The following DNM2 variants were observed in gnomAD, a reference collection of about 807,000 sequenced individuals.
DNM2 encodes dynamin-2.
A neutral mutation model predicts 99.0 loss-of-function variants in DNM2; 15 were observed. That is an observed-to-expected ratio of 0.15 (90% CI 0.10 to 0.23). DNM2 has a LOEUF of 0.23. Ranked by LOEUF, DNM2 falls within the 10% of genes least tolerant of loss-of-function variation. DNM2 has a pLI of 1.00. For missense variants in DNM2, 742 were observed against 1,189.4 expected, an observed-to-expected ratio of 0.62 and a Z score of 5.53; for synonymous variants, 525 against 481.2, an observed-to-expected ratio of 1.09 and a Z score of -1.19.
At position 10,795,119 on chromosome 19, in the gene DNM2, C is replaced by T. The variant is rs2071887648; in HGVS notation, c.1129-253C>T. ...TATTTTTAGTAGAGATGGGGTCTCA[C>T]TATGTTGCCCAGGCTGGTCTCAAAC... On this transcript the variant is annotated intron_variant, in intron 8 of 20. Transcript: ENST00000389253. This position sits in a 1 kb window ranked among gnomAD's most constrained non-coding sequence, Gnocchi z 4.2. Among the ~76,000 whole-genome samples the T allele has an allele frequency of 6.6e-6, 1 of 152,146 alleles. No individual in the cohort carries two copies. Among genetic ancestry groups the T allele is most frequent in the Admixed American group, 6.5e-5 (1 of 15,278 alleles).
At position 10,786,667 on chromosome 19, in the gene DNM2, G is replaced by A. The variant is rs879254323; in HGVS notation, c.953G>A (p.Arg318Gln). The A allele has an allele frequency of 1.2e-6, 2 of 1,614,044 alleles. No individual in the cohort carries two copies. Among genetic ancestry groups the A allele is most frequent in the East Asian group, 2.2e-5 (1 of 44,878 alleles). Reference sequence around the variant, plus strand: ...GAGGTGGAGGAGTACAAGAACTTTCGGCCCGACGACCCCACCCGCAAAACC... The same window carrying A: ...GAGGTGGAGGAGTACAAGAACTTTCAGCCCGACGACCCCACCCGCAAAACC... ...EKEVEEYKNF[R>Q]PDDPTRKTKA... The change falls in exon 7 of 21, where the codon CGG becomes CAG. Residue 318 changes from arginine to glutamine, a missense_variant. Arg to Gln is a conservative substitution (Grantham distance 43). Coordinates refer to ENST00000389253, the MANE Select transcript of DNM2 (RefSeq NM_001005361.3).
chr19:10,807,539 C>A (rs1007113940), intron 13 of DNM2, among the ~76,000 whole-genome samples: 9 of 91,220 alleles, frequency 9.9e-5, no homozygotes, highest in East Asian at 5.4e-4. Flanking sequence ...CACGTCCAGC[C>A]TTTTTTTTTT....
intron 18 of DNM2, among the ~76,000 whole-genome samples, chr19:10,826,100 C>A (rs373449436): frequency 6.2e-4 from 94 of 152,240 alleles, no homozygotes; most frequent in African/African-American, 2.0e-3. Context: ...GCACGGCCAT[C>A]CTCTTTGGGA....
intron 5 of DNM2, among the ~76,000 whole-genome samples, chr19:10,778,359 TC>T (rs1318687695): frequency 6.6e-6 from 1 of 150,714 alleles, no homozygotes; most frequent in Non-Finnish European, 1.5e-5. Context: ...TTAACACAAA[TC>T]CTAGGCACTG....
rs2146038746 is a variant in DNM2 at position 10,798,482 on chromosome 19, C to G, written c.1336-4C>G. The G allele has an allele frequency of 3.1e-6, 5 of 1,614,188 alleles. No individual in the cohort carries two copies. The highest frequency in any genetic ancestry group is 4.2e-6 in the Non-Finnish European group (5 of 1,180,034). On this transcript the variant is annotated splice_region_variant and splice_polypyrimidine_tract_variant and intron_variant, in intron 10 of 20. Coordinates refer to ENST00000389253, the MANE Select transcript of DNM2 (RefSeq NM_001005361.3). ...CAATGCGACCACTCTGCTTGTTCCC[C>G]CAGCTCAGTTCCTACCCCCGGTTGC...
chr19:10,739,596 T>G (rs2069663981), intron 1 of DNM2, among the ~76,000 whole-genome samples: 1 of 152,154 alleles, frequency 6.6e-6, no homozygotes, highest in South Asian at 2.1e-4. Context: ...GGCGCACGCC[T>G]GTAATCCCAG....
chr19:10,780,086 G>A (rs2071311870), intron 5 of DNM2, among the ~76,000 whole-genome samples: 1 of 152,058 alleles, frequency 6.6e-6, no homozygotes, highest in African/African-American at 2.4e-5. Flanking sequence ...TTTCCACCTC[G>A]ATGTCTGAGA....
chr19:10,725,394 G>C (rs1209291714), intron 1 of DNM2, among the ~76,000 whole-genome samples: 4 of 151,196 alleles, frequency 2.6e-5, no homozygotes, highest in Non-Finnish European at 5.9e-5. Flanking sequence ...TGCAGTAAGC[G>C]GAGATCACGC....
intron 7 of DNM2, among the ~76,000 whole-genome samples, chr19:10,790,666 C>T (rs1187035899): frequency 1.3e-5 from 2 of 152,148 alleles, no homozygotes; most frequent in Non-Finnish European, 2.9e-5. Flanking sequence ...AGGGGTTTCA[C>T]CATGTTGGCC....
At chr19:10,750,226 C>T (rs185171435) in intron 1 of DNM2, among the ~76,000 whole-genome samples, 1 of 152,134 alleles carries the variant, frequency 6.6e-6, no homozygotes, top group Non-Finnish European at 1.5e-5. Flanking sequence ...CACCTGTAAT[C>T]CCGGTGCTTT....
Position 10,779,887 on chromosome 19 carries a change from C to T in DNM2, c.688+2671C>T, listed in dbSNP as rs1189166988. On this transcript the variant is annotated intron_variant, in intron 5 of 20. Coordinates refer to ENST00000389253, the MANE Select transcript of DNM2 (RefSeq NM_001005361.3). ...TAGGCTGGTCTTGAACTCCTGACCTCATGTGATCCACCCGCCTCAGCCTCC... is the reference window on the plus strand; with the variant it reads ...TAGGCTGGTCTTGAACTCCTGACCTTATGTGATCCACCCGCCTCAGCCTCC... Among the ~76,000 whole-genome samples, 6 of 152,020 alleles carry T rather than the reference C, an allele frequency of 3.9e-5. No homozygotes were observed. The East Asian group carries it at 1.2e-3, about 29-fold the overall frequency.
intron 1 of DNM2, among the ~76,000 whole-genome samples, chr19:10,728,723 A>C (rs1227206747): frequency 6.6e-6 from 1 of 152,122 alleles, no homozygotes; most frequent in Non-Finnish European, 1.5e-5. Flanking sequence ...CAAGGCGGGC[A>C]GATCACTTGA....
intron 2 of DNM2, among the ~76,000 whole-genome samples, chr19:10,762,352 T>C (rs192419699): frequency 6.6e-6 from 1 of 152,284 alleles, no homozygotes; most frequent in African/African-American, 2.4e-5. Context: ...ACTGCATTTT[T>C]AATGAGTCCC....
chr19:10,724,983 T>G (rs958156486), intron 1 of DNM2, among the ~76,000 whole-genome samples: 2 of 152,188 alleles, frequency 1.3e-5, no homozygotes, highest in Non-Finnish European at 2.9e-5. Context: ...GCTGCACCAG[T>G]GCACATCGGA....
At position 10,795,869 on chromosome 19, in the gene DNM2, T is replaced by C; in HGVS notation, c.1196+430T>C. The C allele has an allele frequency of 2.4e-6, 2 of 828,432 alleles. No individual in the cohort carries two copies. The highest frequency in any genetic ancestry group is 4.0e-6 in the Non-Finnish European group (2 of 502,444). 51.3% of individuals were successfully genotyped at this position (828,432 alleles called of 1,614,324 possible). A position where few individuals can be genotyped will look rare whatever the true frequency, so the allele number is the denominator to read the frequency against. On this transcript the variant is annotated intron_variant, in intron 9 of 20. Coordinates refer to ENST00000389253, the MANE Select transcript of DNM2 (RefSeq NM_001005361.3). This position sits in a 1 kb window ranked among gnomAD's most constrained non-coding sequence, Gnocchi z 4.2. ...CTAACAAAGGTAGTTGCTCCAGGTGTCTGCCCTTCCATCGCCGTGGGGTCC... is the reference window on the plus strand; with the variant it reads ...CTAACAAAGGTAGTTGCTCCAGGTGCCTGCCCTTCCATCGCCGTGGGGTCC...
At chr19:10,802,579 G>A in intron 12 of DNM2, 1 of 628,432 alleles carries the variant, frequency 1.6e-6, no homozygotes, top group Non-Finnish European at 2.9e-6. Flanking sequence ...GCATCCCCAT[G>A]GTTAGTTTAG....
intron 7 of DNM2, among the ~76,000 whole-genome samples, 157 bp from the exon 8 acceptor site, chr19:10,793,563 G>C (rs1274240271): frequency 6.6e-6 from 1 of 152,194 alleles, no homozygotes; most frequent in Non-Finnish European, 1.5e-5. Flanking sequence ...GCCATTGGGA[G>C]CTCTTGAATT....
intron 13 of DNM2, among the ~76,000 whole-genome samples, chr19:10,806,865 T>C (rs2072354229): frequency 6.6e-6 from 1 of 152,060 alleles, no homozygotes; most frequent in African/African-American, 2.4e-5. Flanking sequence ...CTTTGAGCTT[T>C]CCAACACAGC....
chr19:10,784,520 G>T (rs1005341761), intron 6 of DNM2, among the ~76,000 whole-genome samples: 1 of 152,298 alleles, frequency 6.6e-6, no homozygotes, highest in East Asian at 1.9e-4. Context: ...GCCTGGAGGG[G>T]GCTCAGCCTC....
Sources: gnomAD v4.1 joint callset for allele counts (sites outside exome capture counted in the v4.1 genomes callset) on GRCh38, gnomAD v4.1.1 for gene constraint, Gnocchi (gnomAD v3.1) non-coding constraint, MANE v1.5 for transcripts, NCBI Gene and HGNC (gene_info 2026-07-23, HGNC 2026-07-21) for gene names.